Variants in KCTD8 observed in about 807,000 individuals in gnomAD.
KCTD8 encodes the protein BTB/POZ domain-containing protein KCTD8.
In KCTD8, 27 loss-of-function variants were observed where a neutral mutation model predicts 31.5. The observed-to-expected ratio is 0.86, with a 90% CI of 0.63 to 1.18. The LOEUF is 1.18. Among genes scored for constraint, KCTD8 ranks in the 50% most tolerant of loss-of-function variants. The pLI, the probability that KCTD8 is intolerant of heterozygous loss-of-function variation, is 0.00. For synonymous variants in KCTD8, 290 were observed against 280.0 expected, an observed-to-expected ratio of 1.04 and a Z score of -0.36; for missense variants, 658 against 647.7, an observed-to-expected ratio of 1.02 and a Z score of -0.17.
At chr4:44,332,750 T>C (rs1019099102) in intron 1 of KCTD8, among the ~76,000 whole-genome samples, 8 of 152,044 alleles carry the variant, frequency 5.3e-5, no homozygotes, top group Admixed American at 2.0e-4. Flanking sequence ...AAATCCATCA[T>C]ACAAATTCCA....
At chr4:44,197,145 G>A (rs1031831060) in intron 1 of KCTD8, among the ~76,000 whole-genome samples, 5 of 152,138 alleles carry the variant, frequency 3.3e-5, no homozygotes, top group African/African-American at 1.2e-4. Context: ...GATGCTCTTG[G>A]CCTGACAGGA....
chr4:44,309,094 G>C (rs1348050980), intron 1 of KCTD8, among the ~76,000 whole-genome samples: 1 of 152,118 alleles, frequency 6.6e-6, no homozygotes, highest in Non-Finnish European at 1.5e-5. Context: ...TGAATGCAAT[G>C]GCATGCTCTT....
chr4:44,357,566 A>T (rs1719375554), intron 1 of KCTD8, among the ~76,000 whole-genome samples: 1 of 152,200 alleles, frequency 6.6e-6, no homozygotes, highest in Non-Finnish European at 1.5e-5. Context: ...CTCTGCCTAA[A>T]GCCAATTCTC....
intron 1 of KCTD8, among the ~76,000 whole-genome samples, chr4:44,321,004 A>ATG (rs1317564005): frequency 6.6e-6 from 1 of 152,176 alleles, no homozygotes; most frequent in Non-Finnish European, 1.5e-5. Context: ...GTATTTGTAA[A>ATG]TGTGTTTTAC....
chr4:44,403,798 T>A (rs188023248), intron 1 of KCTD8, among the ~76,000 whole-genome samples: 5 of 152,224 alleles, frequency 3.3e-5, no homozygotes, highest in Admixed American at 3.3e-4. Context: ...ATTCAGCCCA[T>A]AACAGGTACT....
At chr4:44,210,112 T>C (rs1560395632) in intron 1 of KCTD8, among the ~76,000 whole-genome samples, 1 of 152,218 alleles carries the variant, frequency 6.6e-6, no homozygotes, top group African/African-American at 2.4e-5. Flanking sequence ...TATATTACCC[T>C]GGGCATTATG....
chr4:44,256,371 A>G (rs1342281263), intron 1 of KCTD8, among the ~76,000 whole-genome samples: 1 of 152,044 alleles, frequency 6.6e-6, no homozygotes, highest in Non-Finnish European at 1.5e-5. Context: ...TGTATTTGAT[A>G]TATACATATA....
chr4:44,178,637 T>A (rs1713287486), intron 1 of KCTD8, among the ~76,000 whole-genome samples: 1 of 152,140 alleles, frequency 6.6e-6, no homozygotes, highest in African/African-American at 2.4e-5. Flanking sequence ...AAAAAATAAT[T>A]TCCTGTTTAT....
Position 44,447,722 on chromosome 4 carries a change from G to C in KCTD8, c.802C>G (p.Arg268Gly), listed in dbSNP as rs773048313. The change falls in exon 1 of 2, where the codon CGC becomes GGC. Residue 268 changes from arginine to glycine, a missense_variant. Transcript: ENST00000360029. ...PDRQPEKYTS[R>G]FYLKFTYLEQ... ...AAGTAGGTGAACTTGAGGTAGAAGC[G>C]GGACGTGTACTTCTCCGGCTGCCGG... is the stretch of plus-strand genomic sequence containing the variant. The C allele has an allele frequency of 2.5e-6, 4 of 1,612,618 alleles. No individual in the cohort carries two copies. The highest frequency in any genetic ancestry group is 3.4e-6 in the Non-Finnish European group (4 of 1,179,444).
chr4:44,265,127 A>T (rs1157039666), intron 1 of KCTD8, among the ~76,000 whole-genome samples: 1 of 152,124 alleles, frequency 6.6e-6, no homozygotes, highest in Non-Finnish European at 1.5e-5. Flanking sequence ...GAGCAGACTA[A>T]CTAGGAGGCA....
At chr4:44,311,655 T>C (rs1044504261) in intron 1 of KCTD8, among the ~76,000 whole-genome samples, 4 of 152,042 alleles carry the variant, frequency 2.6e-5, no homozygotes, top group African/African-American at 4.8e-5. Context: ...GGTGAAATTA[T>C]AAAACAAGTC....
At position 44,413,541 on chromosome 4, in the gene KCTD8, C is replaced by G. The variant is rs143370611; in HGVS notation, c.961+34022G>C. On this transcript the variant is annotated intron_variant, in intron 1 of 1. Transcript: ENST00000360029. ...TTTAACACATAAATGATAAAATGAGCTATATATAGAAACTTGCTCAAAGGA... is the reference window on the plus strand; with the variant it reads ...TTTAACACATAAATGATAAAATGAGGTATATATAGAAACTTGCTCAAAGGA... Among the ~76,000 whole-genome samples the G allele has an allele frequency of 3.9e-3, 596 of 152,190 alleles. 4 individuals carry two copies. The highest frequency in any genetic ancestry group is 0.014 in the African/African-American group (569 of 41,520).
At chr4:44,212,010 T>G (rs1714496887) in intron 1 of KCTD8, among the ~76,000 whole-genome samples, 1 of 152,154 alleles carries the variant, frequency 6.6e-6, no homozygotes, top group African/African-American at 2.4e-5. Flanking sequence ...TCCATTTAAG[T>G]GATGTTTTTG....
intron 1 of KCTD8, among the ~76,000 whole-genome samples, chr4:44,243,493 A>G (rs1376422968): frequency 6.6e-6 from 1 of 152,206 alleles, no homozygotes; most frequent in Non-Finnish European, 1.5e-5. Context: ...GATAATTTCC[A>G]CAGTGTAAGG....
rs185199278 is a variant in KCTD8, at chr4:44,436,163, T to C, written c.961+11400A>G. ...TTGGCACAGAATCACCTATAAATAG[T>C]CTTGCCTAAAAACAAAAGAGTCTTG... is the stretch of plus-strand genomic sequence containing the variant. On this transcript the variant is annotated intron_variant, in intron 1 of 1. Coordinates refer to ENST00000360029, the MANE Select transcript of KCTD8 (RefSeq NM_198353.3). 3.9e-4 allele frequency among the ~76,000 whole-genome samples: 60 copies of C among 152,198 alleles called. No individual in the cohort carries two copies. The East Asian group carries it at 0.011, about 27-fold the overall frequency.
chr4:44,379,745 T>G (rs1258227104), intron 1 of KCTD8, among the ~76,000 whole-genome samples: 1 of 152,100 alleles, frequency 6.6e-6, no homozygotes, highest in African/African-American at 2.4e-5. Flanking sequence ...AATTAAGTAT[T>G]GTTGCCAAGC....
chr4:44,285,555 G>A (rs570350904), intron 1 of KCTD8, among the ~76,000 whole-genome samples: 2 of 152,198 alleles, frequency 1.3e-5, no homozygotes, highest in South Asian at 2.1e-4. Context: ...AACCACCATG[G>A]CGTATGTATA....
intron 1 of KCTD8, among the ~76,000 whole-genome samples, chr4:44,400,150 A>G (rs1414092865): frequency 6.6e-6 from 1 of 152,162 alleles, no homozygotes; most frequent in Non-Finnish European, 1.5e-5. Flanking sequence ...ACAGGCTAAA[A>G]TTTTCTCAGA....
rs559776074 is a variant in KCTD8 at position 44,298,412 on chromosome 4, C to CT, written c.962-123163_962-123162insA. Among the ~76,000 whole-genome samples, 969 of 151,422 alleles carry CT rather than the reference C, an allele frequency of 6.4e-3. 5 individuals are homozygous for CT. The highest frequency in any genetic ancestry group is 0.011 in the Non-Finnish European group (750 of 67,746). On this transcript the variant is annotated intron_variant, in intron 1 of 1. Transcript: ENST00000360029. ...TCCTTCACACTAATGATCTGCCCCC[C>CT]CCACCTCTTTATTTTTCTGTATAAT...
Sources: allele counts gnomAD v4.1 joint callset (sites outside exome capture counted in the v4.1 genomes callset), GRCh38; gene constraint gnomAD v4.1.1; transcripts MANE v1.5; gene names NCBI Gene and HGNC (gene_info 2026-07-23, HGNC 2026-07-21).